The following CSF2RA variants were observed in gnomAD, a reference collection of about 807,000 sequenced individuals.
The protein encoded by CSF2RA is colony stimulating factor 2 receptor subunit alpha, also known as granulocyte-macrophage colony-stimulating factor receptor subunit alpha.
CSF2RA carries 42 observed loss-of-function variants against 51.6 expected under a neutral mutation model. The ratio of observed to expected loss-of-function variants is 0.81; its 90% CI spans 0.64 to 1.05. The LOEUF (loss-of-function observed/expected upper bound fraction) is 1.05. Among genes scored for constraint, CSF2RA ranks in the 50% least tolerant of loss-of-function variants. The pLI is 0.00. For missense variants in CSF2RA, 530 were observed against 501.1 expected (o/e 1.06, Z -0.55); for synonymous variants, 222 against 193.0 (o/e 1.15, Z -1.24).
chrX:1,298,946 C>A (rs186074906), intron 9 of CSF2RA, among the ~76,000 whole-genome samples: 1 of 151,940 alleles, frequency 6.6e-6, no homozygotes, highest in African/African-American at 2.4e-5. Flanking sequence ...ACTCACAACC[C>A]TAGCGTCACC....
At chrX:1,281,183 TCTCCTTCTCCTCCTTCTCCTACTC>T (rs1422382175) in intron 2 of CSF2RA, among the ~76,000 whole-genome samples, 62 of 83,152 alleles carry the variant, frequency 7.5e-4, no homozygotes, top group Non-Finnish European at 1.4e-3. Flanking sequence ...TTCTCCTCCT[TCTCCTTCTCCTCCTTCTCCTACTC>T]CTCCTTCTCC....
intron 7 of CSF2RA, among the ~76,000 whole-genome samples, 162 bp downstream of exon 7, chrX:1,290,671 C>A (rs1416844987): frequency 6.6e-6 from 1 of 152,082 alleles, no homozygotes; most frequent in Non-Finnish European, 1.5e-5. Context: ...TCAAAACCAG[C>A]CTGACCAACA....
At chrX:1,274,237 G>A (rs748881927) in intron 1 of CSF2RA, among the ~76,000 whole-genome samples, 1 of 152,030 alleles carries the variant, frequency 6.6e-6, no homozygotes, top group East Asian at 1.9e-4. Context: ...GGTTAAGGAC[G>A]CCTGCCCATG....
At chrX:1,269,633 A>G (rs1204497631) in intron 1 of CSF2RA, among the ~76,000 whole-genome samples, 1 of 66,208 alleles carries the variant, frequency 1.5e-5, no homozygotes, top group African/African-American at 4.5e-5. Context: ...AAAAAAAAGA[A>G]AAAGAAAAAA....
At chrX:1,314,305 G>GCCCAACCACAC (rs1569514753), downstream of CSF2RA, among the ~76,000 whole-genome samples, 3 of 111,872 alleles carry the variant, frequency 2.7e-5, 1 homozygote, top group East Asian at 7.9e-4. Flanking sequence ...CAACCACTCT[G>GCCCAACCACAC]TGCCTGCCCA....
Position 1,305,514 on chromosome X carries a change from A to T in CSF2RA, c.1112A>T (p.Glu371Val). The change falls in exon 12 of 13, where the codon GAG becomes GTG. Residue 371 changes from glutamate (E) to valine (V), a missense_variant. By Grantham distance (121) the Glu-to-Val change is moderately radical (BLOSUM62 -2). Coordinates refer to ENST00000381529, the MANE Select transcript of CSF2RA (RefSeq NM_172245.4). ...QIKDKLNDNHEVEDEIIWEEF... is the reference protein window; with the variant it reads ...QIKDKLNDNHVVEDEIIWEEF... ...AAAGACAAACTGAATGATAACCATG[A>T]GGTGGAAGACGAGGTAGGCAGGGGT... 1 of 1,613,912 alleles carries T rather than the reference A, an allele frequency of 6.2e-7. No homozygotes were observed. Among genetic ancestry groups the T allele is most frequent in the African/African-American group, 1.3e-5 (1 of 75,020 alleles).
chrX:1,314,394 CACACT>C (rs2148764027), downstream of CSF2RA, among the ~76,000 whole-genome samples: 1 of 150,484 alleles, frequency 6.6e-6, no homozygotes, highest in Admixed American at 6.7e-5. Flanking sequence ...CCTGCCCAAC[CACACT>C]GCACCTGCCT....
At chrX:1,324,430 A>C in the CSF2RA span, among the ~76,000 whole-genome samples, 1 of 103,426 alleles carries the variant, frequency 9.7e-6, no homozygotes, top group African/African-American at 2.8e-5. Context: ...AAAAGAAAGA[A>C]GAGAGAGAGA....
intron 8 of CSF2RA, 118 bp from the exon 9 acceptor site, chrX:1,295,309 C>A: frequency 7.6e-7 from 1 of 1,309,556 alleles, no homozygotes. Context: ...CTGCCTGCCA[C>A]TCCGCAGGGA....
intron 1 of CSF2RA, 50 bp downstream of exon 1, chrX:1,268,929 G>C (rs1451436584): frequency 3.1e-5 from 14 of 453,666 alleles, no homozygotes; most frequent in Non-Finnish European, 5.7e-5. Flanking sequence ...CGAGTCACCC[G>C]GGTACATGTT....
intron 2 of CSF2RA, among the ~76,000 whole-genome samples, chrX:1,276,360 A>ATATATATT (rs1481672584): frequency 1.3e-5 from 2 of 149,702 alleles, no homozygotes; most frequent in African/African-American, 4.9e-5. Context: ...GTTTGTTTAT[A>ATATATATT]TATTTATTTA....
downstream of CSF2RA, among the ~76,000 whole-genome samples, chrX:1,314,522 C>T (rs1251898520): frequency 1.3e-4 from 14 of 108,978 alleles, no homozygotes; most frequent in Admixed American, 3.9e-4. Flanking sequence ...CTGCACCTGC[C>T]CAATCCCACT....
the CSF2RA span, among the ~76,000 whole-genome samples, chrX:1,317,568 A>ATTTTTT: frequency 1.9e-5 from 2 of 105,232 alleles, no homozygotes; most frequent in Non-Finnish European, 4.0e-5. Flanking sequence ...TTTTTATTTT[A>ATTTTTT]TTTTATTTTT....
chrX:1,280,853 T>TCCC (rs1569494208), intron 2 of CSF2RA, among the ~76,000 whole-genome samples: 2 of 76,704 alleles, frequency 2.6e-5, no homozygotes, highest in African/African-American at 4.0e-5. Flanking sequence ...TTCCTCTCCT[T>TCCC]CTCCTCCTCC....
Position 1,309,413 on chromosome X carries a change from G to A in CSF2RA, c.1137G>A (p.Glu379=). ...CTCCTTTTTCTCAGATCATCTGGGAGGAATTCACCCCAGAGGAAGGGAAAG... is the reference window on the plus strand; with the variant it reads ...CTCCTTTTTCTCAGATCATCTGGGAAGAATTCACCCCAGAGGAAGGGAAAG... ...NHEVEDEIIW[E]EFTPEEGKGY... The change falls in exon 13 of 13, where the codon GAG becomes GAA. Residue 379 remains glutamate (E), a synonymous_variant. Coordinates refer to ENST00000381529, the MANE Select transcript of CSF2RA (RefSeq NM_172245.4). 3 of 1,613,936 alleles carry A rather than the reference G, an allele frequency of 1.9e-6. No individual in the cohort carries two copies. Among genetic ancestry groups the A allele is most frequent in the Non-Finnish European group, 2.5e-6 (3 of 1,179,840 alleles).
the CSF2RA span, among the ~76,000 whole-genome samples, chrX:1,321,260 G>A: frequency 6.6e-6 from 1 of 151,968 alleles, no homozygotes; most frequent in Non-Finnish European, 1.5e-5. Context: ...ACGAGGTCAG[G>A]AGATCGAGAC....
intron 1 of CSF2RA, among the ~76,000 whole-genome samples, chrX:1,273,963 G>A (rs2088816013): frequency 6.6e-6 from 1 of 151,900 alleles, no homozygotes; most frequent in African/African-American, 2.4e-5. Flanking sequence ...AAAATATCAT[G>A]ATTTCCCTCA....
At chrX:1,323,360 C>T in the CSF2RA span, among the ~76,000 whole-genome samples, 6 of 151,436 alleles carry the variant, frequency 4.0e-5, no homozygotes, top group South Asian at 6.3e-4. Context: ...GGTGAGCCAC[C>T]GCACCTGGCC....
intron 12 of CSF2RA, among the ~76,000 whole-genome samples, chrX:1,309,034 GC>G (rs1257500884): frequency 6.6e-6 from 1 of 152,068 alleles, no homozygotes; most frequent in Non-Finnish European, 1.5e-5. Context: ...TTTGAGACCA[GC>G]CTGGCCAACA....
Sources: gnomAD v4.1 joint callset for allele counts (sites outside exome capture counted in the v4.1 genomes callset) on GRCh38, gnomAD v4.1.1 for gene constraint, MANE v1.5 for transcripts, NCBI Gene and HGNC (gene_info 2026-07-23, HGNC 2026-07-21) for gene names.